SHISA9: variants seen among roughly 807,000 people sequenced by gnomAD.
SHISA9 encodes shisa family member 9.
In SHISA9, 13 loss-of-function variants were observed where a neutral mutation model predicts 38.0. That is an observed-to-expected ratio of 0.34 (90% CI 0.22 to 0.54). The LOEUF (loss-of-function observed/expected upper bound fraction) is 0.54, where lower values mean the gene tolerates loss of function less well. Ranked by LOEUF, SHISA9 falls within the 20% of genes least tolerant of loss-of-function variation. The pLI is 0.91. For synonymous variants in SHISA9, 275 were observed against 242.0 expected (o/e 1.14, Z -1.27); for missense variants, 538 against 575.8 (o/e 0.93, Z 0.67).
At chr16:13,157,219 G>GA (rs1394902568) in intron 2 of SHISA9, among the ~76,000 whole-genome samples, 1 of 152,098 alleles carries the variant, frequency 6.6e-6, no homozygotes, top group Non-Finnish European at 1.5e-5. Context: ...TGAGTGCTGG[G>GA]CTATAAGAAA....
At chr16:13,168,220 A>G (rs2050654771) in intron 2 of SHISA9, among the ~76,000 whole-genome samples, 1 of 152,188 alleles carries the variant, frequency 6.6e-6, no homozygotes, top group Non-Finnish European at 1.5e-5. Context: ...CATCTGTCCT[A>G]ATCACCCCAG....
chr16:13,428,287 CAAAG>C, the SHISA9 span, among the ~76,000 whole-genome samples: 67 of 151,720 alleles, frequency 4.4e-4, no homozygotes, highest in Middle Eastern at 3.4e-3. Context: ...GCAAGAAAAA[CAAAG>C]AAAGAGAGAG....
At chr16:13,196,389 T>G in intron 2 of SHISA9, among the ~76,000 whole-genome samples, 1 of 103,522 alleles carries the variant, frequency 9.7e-6, no homozygotes, top group African/African-American at 4.5e-5. Flanking sequence ...AGAGCGAGAC[T>G]CCGTCTCAAA....
chr16:13,293,193 G>C, the SHISA9 span, among the ~76,000 whole-genome samples: 10 of 152,146 alleles, frequency 6.6e-5, no homozygotes, highest in Admixed American at 2.0e-4. Flanking sequence ...ACAGTCCTGT[G>C]ATTGTTTTGA....
At chr16:13,027,644 G>A (rs2072939136) in intron 2 of SHISA9, among the ~76,000 whole-genome samples, 1 of 152,074 alleles carries the variant, frequency 6.6e-6, no homozygotes, top group Non-Finnish European at 1.5e-5. Context: ...CACAAAACAT[G>A]GCTGAATCTC....
chr16:13,000,757 A>G (rs764906557), intron 2 of SHISA9, among the ~76,000 whole-genome samples: 18 of 152,198 alleles, frequency 1.2e-4, no homozygotes, highest in Admixed American at 4.6e-4. Flanking sequence ...AGCAGCTGCC[A>G]TTATGATTGT....
At chr16:13,471,670 T>G in the SHISA9 span, among the ~76,000 whole-genome samples, 60 of 140,620 alleles carry the variant, frequency 4.3e-4, no homozygotes, top group Non-Finnish European at 1.4e-4. Context: ...CTACCTGACC[T>G]GCAGTGGACT....
intron 4 of SHISA9, among the ~76,000 whole-genome samples, chr16:13,217,829 A>G (rs1401517618): frequency 6.6e-6 from 1 of 152,182 alleles, no homozygotes; most frequent in African/African-American, 2.4e-5. Context: ...AAGGAGTTCG[A>G]GACCATCCTG....
chr16:13,047,195 C>G (rs1218573902), intron 2 of SHISA9, among the ~76,000 whole-genome samples: 3 of 152,042 alleles, frequency 2.0e-5, no homozygotes, highest in Non-Finnish European at 4.4e-5. Context: ...TTTGAAAATT[C>G]CCACTCTGGC....
intron 2 of SHISA9, among the ~76,000 whole-genome samples, chr16:13,016,156 T>A (rs937372696): frequency 6.6e-6 from 1 of 151,088 alleles, no homozygotes; most frequent in Non-Finnish European, 1.5e-5. Context: ...TTTTTTGTAT[T>A]TTTAGTAGAG....
At chr16:13,469,424 A>AG in the SHISA9 span, among the ~76,000 whole-genome samples, 26 of 95,906 alleles carry the variant, frequency 2.7e-4, no homozygotes, top group African/African-American at 9.3e-4. Context: ...AAAGAAAGAA[A>AG]AAGAAAGAAA....
At chr16:13,550,034 AAAT>A in the SHISA9 span, among the ~76,000 whole-genome samples, 2 of 151,326 alleles carry the variant, frequency 1.3e-5, no homozygotes, top group Non-Finnish European at 2.9e-5. Context: ...AAAAAAAAAA[AAAT>A]AAAGTATATA....
chr16:13,052,981 T>TTTTTTTG, intron 2 of SHISA9, among the ~76,000 whole-genome samples: 1 of 146,520 alleles, frequency 6.8e-6, no homozygotes, highest in African/African-American at 2.5e-5. Flanking sequence ...TTTTTTTTTT[T>TTTTTTTG]GAGGCAGAGT....
intron 2 of SHISA9, among the ~76,000 whole-genome samples, chr16:13,102,361 A>G (rs184742007): frequency 6.6e-6 from 1 of 152,312 alleles, no homozygotes; most frequent in Non-Finnish European, 1.5e-5. Flanking sequence ...CTATTCTGGT[A>G]GAATTCTGAA....
chr16:13,026,292 G>T (rs956443242), intron 2 of SHISA9, among the ~76,000 whole-genome samples: 1 of 152,110 alleles, frequency 6.6e-6, no homozygotes, highest in African/African-American at 2.4e-5. Flanking sequence ...GTTTGATGAC[G>T]TTAGAGTCCT....
the SHISA9 span, among the ~76,000 whole-genome samples, chr16:13,299,847 T>C: frequency 6.6e-6 from 1 of 152,210 alleles, no homozygotes; most frequent in Non-Finnish European, 1.5e-5. Context: ...CATGGGCACC[T>C]CTTTTAACTG....
chr16:13,149,675 A>G (rs764643325), intron 2 of SHISA9, among the ~76,000 whole-genome samples: 3 of 152,102 alleles, frequency 2.0e-5, no homozygotes, highest in Non-Finnish European at 4.4e-5. Flanking sequence ...CTGTAATCCC[A>G]GCATTTTGGG....
chr16:12,904,509 GC>G (rs1457471379), intron 1 of SHISA9, among the ~76,000 whole-genome samples: 1 of 152,144 alleles, frequency 6.6e-6, no homozygotes, highest in African/African-American at 2.4e-5. Context: ...TCCTGGTCCT[GC>G]CCCCGTGCAG....
intron 1 of SHISA9, chr16:12,909,765 A>T: frequency 5.3e-6 from 1 of 189,762 alleles, no homozygotes; most frequent in Non-Finnish European, 9.8e-6. Context: ...TTATGGTCTA[A>T]AATTAACTTG....
Sources: allele counts gnomAD v4.1 joint callset (sites outside exome capture counted in the v4.1 genomes callset), GRCh38; gene constraint gnomAD v4.1.1; transcripts MANE v1.5; gene names NCBI Gene and HGNC (gene_info 2026-07-23, HGNC 2026-07-21).